The following CSMD1 variants were observed in gnomAD, a reference collection of about 807,000 sequenced individuals.
CSMD1 encodes CUB and sushi domain-containing protein 1.
A neutral mutation model predicts 417.5 loss-of-function variants in CSMD1; 213 were observed. The ratio of observed to expected loss-of-function variants is 0.51; its 90% CI spans 0.46 to 0.57. CSMD1 has a LOEUF of 0.57. Among genes scored for constraint, CSMD1 ranks in the 20% least tolerant of loss-of-function variants. CSMD1 has a pLI of 0.00. For synonymous variants in CSMD1, 2,862 were observed against 1,736.8 expected, an observed-to-expected ratio of 1.65 and a Z score of -16.11; for missense variants, 6,923 against 4,529.7, an observed-to-expected ratio of 1.53 and a Z score of -15.17.
chr8:4,516,007 G>C (rs915380033), intron 2 of CSMD1, among the ~76,000 whole-genome samples: 5 of 152,118 alleles, frequency 3.3e-5, no homozygotes, highest in African/African-American at 9.7e-5. Flanking sequence ...TAAGACTTTG[G>C]AGTTGTAAGA....
chr8:3,117,699 G>C (rs968270489), intron 42 of CSMD1, among the ~76,000 whole-genome samples: 4 of 152,308 alleles, frequency 2.6e-5, no homozygotes, highest in Non-Finnish European at 5.9e-5. Flanking sequence ...AAGCATTAAA[G>C]TAAGGATTCC....
chr8:4,150,806 G>A (rs1358187535), intron 3 of CSMD1, among the ~76,000 whole-genome samples: 1 of 152,062 alleles, frequency 6.6e-6, no homozygotes, highest in Non-Finnish European at 1.5e-5. Context: ...CACTTGCAGA[G>A]GTGTTGGGAG....
At chr8:3,760,864 C>T (rs1342781042) in intron 5 of CSMD1, among the ~76,000 whole-genome samples, 1 of 152,140 alleles carries the variant, frequency 6.6e-6, no homozygotes, top group Admixed American at 6.5e-5. Context: ...ATGATCTCTG[C>T]CCACAGGGGG....
chr8:3,535,828 C>T (rs1274749369), intron 10 of CSMD1, among the ~76,000 whole-genome samples: 1 of 152,126 alleles, frequency 6.6e-6, no homozygotes, highest in Non-Finnish European at 1.5e-5. Context: ...CCTCTCCCAC[C>T]AGTTTTTGTA....
At chr8:3,191,034 T>A (rs1796390304) in intron 33 of CSMD1, among the ~76,000 whole-genome samples, 2 of 152,326 alleles carry the variant, frequency 1.3e-5, no homozygotes, top group South Asian at 2.1e-4. Flanking sequence ...GAGTATGCCC[T>A]GGAGACCTGC....
In CSMD1 at chr8:3,797,822, T is replaced by A. The variant is rs180761853; in HGVS notation, c.819-43780A>T. Reference sequence around the variant, plus strand: ...AGGTAGGTATATGTCTGACTTCATATAAAAGCACTAACGATTGTTCTAAGG... The same window carrying A: ...AGGTAGGTATATGTCTGACTTCATAAAAAAGCACTAACGATTGTTCTAAGG... On this transcript the variant is annotated intron_variant, in intron 5 of 69. Transcript: ENST00000635120. 2.6e-3 allele frequency among the ~76,000 whole-genome samples: 399 copies of A among 152,124 alleles called. 1 individual carries two copies. The highest frequency in any genetic ancestry group is 3.6e-3 in the Non-Finnish European group (246 of 67,908).
rs199836458 is a variant in CSMD1 at position 3,982,197 on chromosome 8, A to AATAATATTAAT, written c.818+15705_818+15706insATTAATATTAT. On this transcript the variant is annotated intron_variant, in intron 5 of 69. Coordinates refer to ENST00000635120, the MANE Select transcript of CSMD1 (RefSeq NM_033225.6). ...TAATAATAATAATAATAATATTAAT[A>AATAATATTAAT]AAAAAAATAATAATAATAAACTAGT... Among the ~76,000 whole-genome samples, 745 of 105,508 alleles carry AATAATATTAAT rather than the reference A, an allele frequency of 7.1e-3. 4 individuals carry two copies. Among genetic ancestry groups the AATAATATTAAT allele is most frequent in the East Asian group, 0.011 (47 of 4,162 alleles). 69.2% of individuals were successfully genotyped at this position (105,508 alleles called of 152,430 possible). A position where few individuals can be genotyped will look rare whatever the true frequency, so the allele number is the denominator to read the frequency against.
chr8:3,754,081 C>T (rs1412861869), intron 5 of CSMD1, 39 bp from the exon 6 acceptor site: 2 of 1,384,772 alleles, frequency 1.4e-6, no homozygotes, highest in East Asian at 4.6e-5. Flanking sequence ...CCCTTGTAAA[C>T]CAACAGAGCA....
chr8:4,910,453 G>A (rs182092347), intron 1 of CSMD1, among the ~76,000 whole-genome samples: 21 of 152,214 alleles, frequency 1.4e-4, no homozygotes, highest in South Asian at 6.2e-4. Context: ...AGTTATTAGC[G>A]GGTTTGTCCT....
chr8:2,975,652 G>C lies in CSMD1; in HGVS notation c.8567-1028C>G, dbSNP rs568720318. On this transcript the variant is annotated intron_variant, in intron 55 of 69. Coordinates refer to ENST00000635120, the MANE Select transcript of CSMD1 (RefSeq NM_033225.6). ...GTGAGACCTGAAACAGTGAAATGCT[G>C]GATAAATGACCATTTCCAGGTGAAA... Among the ~76,000 whole-genome samples the C allele has an allele frequency of 2.0e-5, 3 of 152,170 alleles. No individual in the cohort carries two copies. In the South Asian group the frequency reaches 6.2e-4, roughly 32 times the overall value.
rs142548603 is a variant in CSMD1 at position 2,978,450 on chromosome 8, C to T, written c.8566+162G>A. ...TTGCTGAAGTTGTATTTGGTGATTT[C>T]TGGCCACTCGATCTACAGCTATCAT... On this transcript the variant is annotated intron_variant, in intron 55 of 69. Coordinates refer to ENST00000635120, the MANE Select transcript of CSMD1 (RefSeq NM_033225.6). Among the ~76,000 whole-genome samples, 744 of 152,318 alleles carry T rather than the reference C, an allele frequency of 4.9e-3. 6 individuals are homozygous for T. The highest frequency in any genetic ancestry group is 0.017 in the Middle Eastern group (5 of 294).
Position 3,119,771 on chromosome 8 carries a change from T to C in CSMD1, c.6242-1184A>G, listed in dbSNP as rs556650670. 1.7e-4 allele frequency among the ~76,000 whole-genome samples: 26 copies of C among 152,292 alleles called. No homozygotes were observed. In the South Asian group the frequency reaches 5.2e-3, roughly 30 times the overall value. On this transcript the variant is annotated intron_variant, in intron 41 of 69. Transcript: ENST00000635120. ...CATGAGACTGGGAACCTGCTCCTAA[T>C]GCAGCAGCAAAGCCACACCATGCAG...
intron 1 of CSMD1, among the ~76,000 whole-genome samples, chr8:4,771,881 G>A (rs1448386097): frequency 1.3e-5 from 2 of 152,088 alleles, no homozygotes; most frequent in Non-Finnish European, 2.9e-5. Context: ...CAAAGCGGTG[G>A]GCATGAAGGG....
rs915792839 is a variant in CSMD1, at chr8:4,518,535, G to A, written c.303-98470C>T. On this transcript the variant is annotated intron_variant, in intron 2 of 69. Coordinates refer to ENST00000635120, the MANE Select transcript of CSMD1 (RefSeq NM_033225.6). ...GCAAGGACAAAAAACCAAACACCGC[G>A]TGCTCTCACTCATAGGTGGGAATTG... is the stretch of plus-strand genomic sequence containing the variant. Among the ~76,000 whole-genome samples the A allele has an allele frequency of 4.9e-4, 73 of 149,626 alleles. 1 individual carries two copies. Among genetic ancestry groups the A allele is most frequent in the Admixed American group, 1.7e-3 (25 of 14,924 alleles).
At chr8:4,075,468 C>T (rs1004704490) in intron 3 of CSMD1, among the ~76,000 whole-genome samples, 8 of 152,052 alleles carry the variant, frequency 5.3e-5, no homozygotes, top group African/African-American at 1.9e-4. Flanking sequence ...GTCCAAATCT[C>T]TTGTTACAGG....
intron 50 of CSMD1, among the ~76,000 whole-genome samples, chr8:3,041,835 A>G (rs2128984180): frequency 6.6e-6 from 1 of 152,348 alleles, no homozygotes; most frequent in East Asian, 1.9e-4. Context: ...AACCCCATGT[A>G]GCCGACAGTC....
intron 2 of CSMD1, among the ~76,000 whole-genome samples, chr8:4,590,720 G>T (rs1321933873): frequency 6.6e-6 from 1 of 152,074 alleles, no homozygotes; most frequent in African/African-American, 2.4e-5. Context: ...ATTTTTTGTT[G>T]TTTGTTGCTT....
intron 1 of CSMD1, among the ~76,000 whole-genome samples, chr8:4,751,168 T>C (rs1811301560): frequency 6.6e-6 from 1 of 152,212 alleles, no homozygotes; most frequent in Non-Finnish European, 1.5e-5. Flanking sequence ...GTGGATCACC[T>C]GAGGTAAGGA....
chr8:4,035,216 G>C (rs1162384645), intron 3 of CSMD1, among the ~76,000 whole-genome samples: 1 of 152,082 alleles, frequency 6.6e-6, no homozygotes, highest in Non-Finnish European at 1.5e-5. Flanking sequence ...TATGATGCAC[G>C]TGTCTGTGGT....
Sources: allele counts gnomAD v4.1 joint callset (sites outside exome capture counted in the v4.1 genomes callset), GRCh38; gene constraint gnomAD v4.1.1; transcripts MANE v1.5; gene names NCBI Gene and HGNC (gene_info 2026-07-23, HGNC 2026-07-21).